The following FOXM1 variants were observed in gnomAD, a reference collection of about 807,000 sequenced individuals.
The protein encoded by FOXM1 is forkhead box M1, also known as forkhead box protein M1.
In FOXM1, 25 loss-of-function variants were observed where a neutral mutation model predicts 63.6. The observed-to-expected ratio is 0.39, with a 90% CI of 0.29 to 0.55. FOXM1 has a LOEUF of 0.55. Among genes scored for constraint, FOXM1 ranks in the 20% least tolerant of loss-of-function variants. The pLI is 0.60. For missense variants in FOXM1, 879 were observed against 958.7 expected (o/e 0.92, Z 1.10); for synonymous variants, 387 against 376.9 (o/e 1.03, Z -0.31).
intron 1 of FOXM1, chr12:2,876,567 G>A (rs920905685): frequency 6.6e-6 from 1 of 152,486 alleles, no homozygotes; most frequent in South Asian, 2.1e-4. Flanking sequence ...CTGGGAGCAG[G>A]GGAGTGTGTA....
In FOXM1 at chr12:2,870,306, G is replaced by A. The variant is rs975204763; in HGVS notation, c.655-1552C>T. Among the ~76,000 whole-genome samples the A allele has an allele frequency of 1.8e-4, 27 of 152,190 alleles. 1 individual carries two copies. Among genetic ancestry groups the A allele is most frequent in the African/African-American group, 6.5e-4 (27 of 41,436 alleles). On this transcript the variant is annotated intron_variant, in intron 3 of 8. Transcript: ENST00000359843. Reference sequence around the variant, plus strand: ...TTCACTTTTAAAGATTGTTGAGCTGGAGGCTATGATCCTAAGCGATTTAAT... The same window carrying A: ...TTCACTTTTAAAGATTGTTGAGCTGAAGGCTATGATCCTAAGCGATTTAAT...
chr12:2,874,387 T>C lies in FOXM1; in HGVS notation c.92A>G (p.Glu31Gly), dbSNP rs749681249. 1 of 1,614,012 alleles carries C rather than the reference T, an allele frequency of 6.2e-7. No individual in the cohort carries two copies. The highest frequency in any genetic ancestry group is 8.5e-7 in the Non-Finnish European group (1 of 1,180,036). Residue 31 changes from glutamate (E) to glycine (G), a missense_variant, in exon 2 of 9, where the codon GAA (glutamate) becomes GGA (glycine). By Grantham distance (98) the Glu-to-Gly change is moderately conservative (BLOSUM62 -2). Transcript: ENST00000359843. This position sits in a 1 kb window ranked among gnomAD's most constrained non-coding sequence, Gnocchi z 4.3. ...QNAPSETSEE[E>G]PKRSPAQQES... ...CTGTTGGGCAGGGGATCTCTTAGGT[T>C]CCTCCTCTGATGTTTCACTTGGGGC...
chr12:2,867,747 G>T (rs1010246244), intron 4 of FOXM1, among the ~76,000 whole-genome samples: 2 of 151,010 alleles, frequency 1.3e-5, no homozygotes, highest in Admixed American at 1.3e-4. Flanking sequence ...AGGTCGAGAC[G>T]GGTGGATCAT....
At position 2,864,663 on chromosome 12, in the gene FOXM1, G is replaced by T; in HGVS notation, c.1090+20C>A. On this transcript the variant is annotated intron_variant, in intron 7 of 8. Transcript: ENST00000359843. This position sits in a 1 kb window ranked among gnomAD's most constrained non-coding sequence, Gnocchi z 5.1. ...CCCCAGAACAAGGACCAGGCCCAAG[G>T]CCCACTCTCCCATACTAACGTGCGC... 1 of 1,612,822 alleles carries T rather than the reference G, an allele frequency of 6.2e-7. No individual in the cohort carries two copies.
intron 4 of FOXM1, 103 bp from the exon 5 acceptor site, chr12:2,866,624 C>G: frequency 5.6e-6 from 7 of 1,255,230 alleles, no homozygotes; most frequent in Non-Finnish European, 7.5e-6. Flanking sequence ...CCACTGTGCT[C>G]AGCACAGGCT....
chr12:2,858,340 C>A lies in FOXM1; in HGVS notation c.*298G>T. ...TGCAAAGATCAGGGAAGGTAAGAGACTGCTGGGCAGAGAATGGAAACAGGC... is the reference window on the plus strand; with the variant it reads ...TGCAAAGATCAGGGAAGGTAAGAGAATGCTGGGCAGAGAATGGAAACAGGC... On this transcript the variant is annotated 3_prime_UTR_variant, in exon 9 of 9. Transcript: ENST00000359843. 1 of 379,046 alleles carries A rather than the reference C, an allele frequency of 2.6e-6. No homozygotes were observed. Among genetic ancestry groups the A allele is most frequent in the Non-Finnish European group, 4.8e-6 (1 of 209,612 alleles). The allele number at this position is 379,046 out of a possible 1,614,324, so 23.5% of individuals were successfully genotyped here.
At position 2,873,959 on chromosome 12, in the gene FOXM1, C is replaced by T; in HGVS notation, c.502+18G>A. On this transcript the variant is annotated intron_variant, in intron 2 of 8. Coordinates refer to ENST00000359843, the MANE Select transcript of FOXM1 (RefSeq NM_021953.4). The stretch of plus-strand genomic sequence containing the variant: ...AAAGGCTGGGCTCCCTCACCCCTTT[C>T]CCTGGAAGACCACATACCACAGGTC... The T allele has an allele frequency of 1.3e-6, 2 of 1,597,600 alleles. No homozygotes were observed. Among genetic ancestry groups the T allele is most frequent in the Non-Finnish European group, 1.7e-6 (2 of 1,169,868 alleles).
intron 8 of FOXM1, among the ~76,000 whole-genome samples, chr12:2,862,198 A>AG (rs1491210754): frequency 1.3e-5 from 2 of 151,598 alleles, no homozygotes; most frequent in Non-Finnish European, 2.9e-5. Flanking sequence ...AAAAAAAAAA[A>AG]GAGACATGTA....
intron 3 of FOXM1, among the ~76,000 whole-genome samples, chr12:2,870,947 G>A (rs2098132094): frequency 2.1e-5 from 2 of 95,486 alleles, no homozygotes. Context: ...GACAGAGAAA[G>A]ACTACGTCTC....
rs569199069 is a variant in FOXM1, at chr12:2,859,617, G to C, written c.1313C>G (p.Pro438Arg). The C allele has an allele frequency of 8.7e-6, 14 of 1,612,444 alleles. No individual in the cohort carries two copies. The African/African-American group carries it at 1.9e-4, about 21-fold the overall frequency. Residue 438 changes from proline (P) to arginine (R), a missense_variant, in exon 9 of 9, where the codon CCA becomes CGA. By Grantham distance (103) the Pro-to-Arg change is moderately radical. Around this residue, in one of 4 missense-constraint regions of FOXM1, gnomAD observed 486 missense variants for 453.5 expected, o/e 1.07. Coordinates refer to ENST00000359843, the MANE Select transcript of FOXM1 (RefSeq NM_021953.4). ...AAACAGGAGTTTCTCCTCTTTCCCT[G>C]GTCCTGCAGAAGAAAGAGGAGCTAT... ...EGIAPLSSAG[P>R]GKEEKLLFGE...
chr12:2,864,400 T>C lies in FOXM1; in HGVS notation c.1186A>G (p.Lys396Glu), dbSNP rs1317362780. Residue 396 changes from lysine to glutamate, a missense_variant, in exon 8 of 9, where the codon AAG becomes GAG. Lys to Glu is a moderately conservative substitution (Grantham distance 56). Coordinates refer to ENST00000359843, the MANE Select transcript of FOXM1 (RefSeq NM_021953.4). This position sits in a 1 kb window ranked among gnomAD's most constrained non-coding sequence, Gnocchi z 5.1. ...NQSLVLQPSV[K>E]VPLPLAASLM... Reference sequence around the variant, plus strand: ...GAAGCCGCCAGGGGCAATGGCACCTTCACCGAGGGCTGCAACACCAGTGAC... The same window carrying C: ...GAAGCCGCCAGGGGCAATGGCACCTCCACCGAGGGCTGCAACACCAGTGAC... The C allele has an allele frequency of 6.2e-7, 1 of 1,614,146 alleles. No individual in the cohort carries two copies.
chr12:2,875,230 T>C (rs11062396), intron 1 of FOXM1, among the ~76,000 whole-genome samples: 13,368 of 152,186 alleles, frequency 0.088, 1,267 homozygotes, highest in African/African-American at 0.23. Flanking sequence ...TGACCTCAGG[T>C]CATCTGCCCG....
At position 2,864,963 on chromosome 12, in the gene FOXM1, C is replaced by G; in HGVS notation, c.1021-211G>C. ...TGGGTGGCCTACAGACACATGATGG[C>G]AGAGTGGCACTACCGCTTCACCCAC... is the stretch of plus-strand genomic sequence containing the variant. On this transcript the variant is annotated intron_variant, in intron 6 of 8. Transcript: ENST00000359843. The surrounding 1 kb of genome is among the most constrained non-coding windows in gnomAD (Gnocchi z 5.1). 1.6e-6 allele frequency: 1 copy of G among 614,040 alleles called. No individual in the cohort carries two copies. The highest frequency in any genetic ancestry group is 2.6e-5 in the Admixed American group (1 of 38,228). 38.0% of individuals were successfully genotyped at this position (614,040 alleles called of 1,614,324 possible).
In FOXM1 at chr12:2,872,830, T is replaced by C. The variant is rs893631755; in HGVS notation, c.503-583A>G. Among the ~76,000 whole-genome samples the C allele has an allele frequency of 2.8e-4, 43 of 151,942 alleles. 1 individual carries two copies. The highest frequency in any genetic ancestry group is 3.4e-3 in the Middle Eastern group (1 of 294). On this transcript the variant is annotated intron_variant, in intron 2 of 8. Coordinates refer to ENST00000359843, the MANE Select transcript of FOXM1 (RefSeq NM_021953.4). This position sits in a 1 kb window ranked among gnomAD's most constrained non-coding sequence, Gnocchi z 4.0. Reference sequence around the variant, plus strand: ...CAGGCTTACAAAAGAATTATTGAGATATGCACACCAAAAAAGTCACTTTTC... The same window carrying C: ...CAGGCTTACAAAAGAATTATTGAGACATGCACACCAAAAAAGTCACTTTTC...
chr12:2,865,085 G>A, intron 6 of FOXM1: 2 of 588,524 alleles, frequency 3.4e-6, no homozygotes, highest in South Asian at 4.2e-5. Flanking sequence ...TGCCGCCCCT[G>A]AGGCTGGTGC....
intron 3 of FOXM1, among the ~76,000 whole-genome samples, chr12:2,870,820 G>T (rs796566917): frequency 5.3e-5 from 8 of 151,932 alleles, no homozygotes; most frequent in Non-Finnish European, 2.9e-5. Context: ...TTAGCCGGGC[G>T]TGGCAGCGGG....
At chr12:2,865,468 G>A in intron 5 of FOXM1, 69 bp from the exon 6 acceptor site, 1 of 1,342,572 alleles carries the variant, frequency 7.4e-7, no homozygotes, top group Non-Finnish European at 1.1e-6. Context: ...AATTTGACCG[G>A]ATTGGGAAAA....
chr12:2,861,990 C>T (rs1328061753), intron 8 of FOXM1, among the ~76,000 whole-genome samples: 1 of 151,872 alleles, frequency 6.6e-6, no homozygotes, highest in Non-Finnish European at 1.5e-5. Flanking sequence ...ACCAGCCTGA[C>T]CAACATGGTG....
At chr12:2,869,594 C>T (rs2098129355) in intron 3 of FOXM1, among the ~76,000 whole-genome samples, 1 of 152,078 alleles carries the variant, frequency 6.6e-6, no homozygotes, top group Non-Finnish European at 1.5e-5. Context: ...TGCCACCACG[C>T]CCAGCTACTT....
Sources: allele counts gnomAD v4.1 joint callset (sites outside exome capture counted in the v4.1 genomes callset), GRCh38; gene constraint gnomAD v4.1.1; regional missense constraint gnomAD v4.1.1; non-coding constraint Gnocchi (gnomAD v3.1); transcripts MANE v1.5; gene names NCBI Gene and HGNC (gene_info 2026-07-23, HGNC 2026-07-21).